The following ASAP1 variants were observed in gnomAD, a reference collection of about 807,000 sequenced individuals.
The protein encoded by ASAP1 is arf-GAP with SH3 domain, ANK repeat and PH domain-containing protein 1.
A neutral mutation model predicts 145.2 loss-of-function variants in ASAP1; 43 were observed. The ratio of observed to expected loss-of-function variants is 0.30; its 90% CI spans 0.23 to 0.38. The LOEUF is 0.38. Ranked by LOEUF, ASAP1 falls within the 10% of genes least tolerant of loss-of-function variation. The pLI is 1.00. For synonymous variants in ASAP1, 546 were observed against 515.5 expected (o/e 1.06, Z -0.80); for missense variants, 1,018 against 1,355.3 (o/e 0.75, Z 3.91).
chr8:130,232,955 G>A (rs935804268), intron 4 of ASAP1, among the ~76,000 whole-genome samples: 1 of 152,168 alleles, frequency 6.6e-6, no homozygotes, highest in Non-Finnish European at 1.5e-5. Context: ...GGAACAGCTT[G>A]GATTCCACTG....
intron 2 of ASAP1, among the ~76,000 whole-genome samples, chr8:130,365,893 A>G (rs990373012): frequency 6.6e-6 from 1 of 152,228 alleles, no homozygotes. Context: ...TCCAGAAGAG[A>G]GTAAGATCCA....
chr8:130,097,126 C>CAAAAAAAAAAAA (rs61591724), intron 24 of ASAP1, among the ~76,000 whole-genome samples: 4 of 53,590 alleles, frequency 7.5e-5, no homozygotes, highest in Non-Finnish European at 3.2e-5. Flanking sequence ...AGTTAGTCTC[C>CAAAAAAAAAAAA]AAAAAAAAAA....
intron 10 of ASAP1, 34 bp downstream of exon 10, chr8:130,168,958 A>G (rs777307087): frequency 1.6e-6 from 2 of 1,269,890 alleles, no homozygotes; most frequent in Non-Finnish European, 2.2e-6. Flanking sequence ...CCATGAAAGC[A>G]AGTTAAACTG....
At chr8:130,389,686 T>G (rs1253991947) in intron 2 of ASAP1, among the ~76,000 whole-genome samples, 1 of 152,116 alleles carries the variant, frequency 6.6e-6, no homozygotes, top group African/African-American at 2.4e-5. Context: ...ACTGAGCTCT[T>G]TAGCTTTCTT....
intron 3 of ASAP1, among the ~76,000 whole-genome samples, chr8:130,317,494 G>A (rs530873824): frequency 4.5e-4 from 69 of 152,356 alleles, no homozygotes; most frequent in African/African-American, 1.5e-3. Context: ...AGTAAGAAGT[G>A]AAGGGGCTGG....
intron 1 of ASAP1, among the ~76,000 whole-genome samples, chr8:130,424,341 T>A (rs72726218): frequency 0.17 from 25,249 of 152,088 alleles, 3,227 homozygotes; most frequent in African/African-American, 0.36. Context: ...TCTGACGGCC[T>A]AGCCCCCACT....
At chr8:130,058,479 T>C (rs2097409496) in intron 28 of ASAP1, among the ~76,000 whole-genome samples, 1 of 152,184 alleles carries the variant, frequency 6.6e-6, no homozygotes, top group Non-Finnish European at 1.5e-5. Flanking sequence ...TAAAGCAAAA[T>C]CTGCAGCTTC....
At chr8:130,402,470 A>G (rs1468955819) in intron 1 of ASAP1, among the ~76,000 whole-genome samples, 2 of 152,224 alleles carry the variant, frequency 1.3e-5, no homozygotes, top group Non-Finnish European at 2.9e-5. Flanking sequence ...TAATTCATGC[A>G]TACCAAAGCT....
chr8:130,055,433 G>A (rs1470598529), intron 29 of ASAP1, among the ~76,000 whole-genome samples: 1 of 151,814 alleles, frequency 6.6e-6, no homozygotes, highest in Non-Finnish European at 1.5e-5. Flanking sequence ...CCATTAAGCT[G>A]TGTCAGCTGC....
At chr8:130,328,961 G>A (rs1182515056) in intron 3 of ASAP1, among the ~76,000 whole-genome samples, 4 of 152,028 alleles carry the variant, frequency 2.6e-5, no homozygotes, top group Non-Finnish European at 5.9e-5. Context: ...TCTTAGACTA[G>A]CAGGAAATAT....
intron 24 of ASAP1, 98 bp from the exon 25 acceptor site, chr8:130,092,241 T>C: frequency 7.6e-7 from 1 of 1,308,570 alleles, no homozygotes; most frequent in Non-Finnish European, 1.0e-6. Context: ...GAATGTGGTA[T>C]GACACACAGA....
At position 130,060,474 on chromosome 8, in the gene ASAP1, G is replaced by A. The variant is rs539042229; in HGVS notation, c.3192+105C>T. The A allele has an allele frequency of 2.6e-5, 37 of 1,439,044 alleles. No homozygotes were observed. The African/African-American group carries it at 4.7e-4, about 18-fold the overall frequency. The allele number at this position is 1,439,044 out of a possible 1,614,324, so 89.1% of individuals were successfully genotyped here. On this transcript the variant is annotated intron_variant, in intron 28 of 29. Coordinates refer to ENST00000518721, the MANE Select transcript of ASAP1 (RefSeq NM_018482.4). ...GAACCAGAGCACATAAGGGTCAGGT[G>A]AGCAAGCTCTCACTTTTTCTTGTGT...
intron 4 of ASAP1, 151 bp downstream of exon 4, chr8:130,236,771 G>T: frequency 1.9e-6 from 1 of 537,852 alleles, no homozygotes. Flanking sequence ...GCTGACAGTC[G>T]AGATAAGAGA....
intron 3 of ASAP1, among the ~76,000 whole-genome samples, chr8:130,258,688 G>GT (rs1819713898): frequency 6.6e-6 from 1 of 152,274 alleles, no homozygotes; most frequent in South Asian, 2.1e-4. Context: ...CAAGTGCTTG[G>GT]TACATAGTAG....
chr8:130,291,838 T>C (rs1252441897), intron 3 of ASAP1, among the ~76,000 whole-genome samples: 2 of 152,204 alleles, frequency 1.3e-5, no homozygotes, highest in Non-Finnish European at 2.9e-5. Flanking sequence ...TTGACAACTC[T>C]TCGGCTCCCT....
chr8:130,093,924 TA>T lies in ASAP1; in HGVS notation c.2402-1782del, dbSNP rs1267046639. Among the ~76,000 whole-genome samples, 7 of 152,146 alleles carry T rather than the reference TA, an allele frequency of 4.6e-5. No homozygotes were observed. In the East Asian group the frequency reaches 1.3e-3, roughly 29 times the overall value. On this transcript the variant is annotated intron_variant, in intron 24 of 29. Transcript: ENST00000518721. ...CTATAAGATAGGCTAGTTCTGAAAG[TA>T]AATACTGTTAATCTCAGTAAAATTA...
At chr8:130,317,166 A>C (rs767663727) in intron 3 of ASAP1, among the ~76,000 whole-genome samples, 2 of 152,288 alleles carry the variant, frequency 1.3e-5, no homozygotes, top group Admixed American at 1.3e-4. Flanking sequence ...TAAACAGAAG[A>C]AGCAAATCTC....
chr8:130,316,820 T>A (rs531240655), intron 3 of ASAP1, among the ~76,000 whole-genome samples: 4 of 152,254 alleles, frequency 2.6e-5, no homozygotes, highest in Admixed American at 6.5e-5. Context: ...TAAGCTTCTG[T>A]TTATTTGGGA....
At chr8:130,105,733 G>A (rs770843047) in intron 24 of ASAP1, among the ~76,000 whole-genome samples, 8 of 152,202 alleles carry the variant, frequency 5.3e-5, no homozygotes, top group Non-Finnish European at 1.0e-4. Context: ...GGAGAAACAG[G>A]CATGGTGGAG....
Sources: gnomAD v4.1 joint callset for allele counts (sites outside exome capture counted in the v4.1 genomes callset) on GRCh38, gnomAD v4.1.1 for gene constraint, MANE v1.5 for transcripts, NCBI Gene and HGNC (gene_info 2026-07-23, HGNC 2026-07-21) for gene names.